Variants in HMCN1 observed in about 807,000 individuals in gnomAD.
HMCN1 encodes the protein hemicentin-1.
In HMCN1, 321 loss-of-function variants were observed where a neutral mutation model predicts 625.9. The observed-to-expected ratio is 0.51, with a 90% CI of 0.47 to 0.56. The LOEUF is 0.56. Ranked by LOEUF, HMCN1 falls within the 20% of genes least tolerant of loss-of-function variation. HMCN1 has a pLI of 0.00. For synonymous variants in HMCN1, 2,425 were observed against 2,417.6 expected, an observed-to-expected ratio of 1.00 and a Z score of -0.09; for missense variants, 6,588 against 6,887.3, an observed-to-expected ratio of 0.96 and a Z score of 1.54.
At chr1:186,148,077 A>C (rs1650434551) in intron 93 of HMCN1, among the ~76,000 whole-genome samples, 2 of 152,330 alleles carry the variant, frequency 1.3e-5, no homozygotes, top group South Asian at 4.1e-4. Flanking sequence ...CTGCTTTATC[A>C]ACTAAGTTTA....
chr1:186,181,730 T>C (rs1486156528), intron 104 of HMCN1, among the ~76,000 whole-genome samples: 1 of 152,128 alleles, frequency 6.6e-6, no homozygotes, highest in Non-Finnish European at 1.5e-5. Context: ...GAGCCAAAGT[T>C]TAAATACAAT....
chr1:185,851,372 A>G (rs931859095), intron 2 of HMCN1, among the ~76,000 whole-genome samples: 3 of 152,186 alleles, frequency 2.0e-5, no homozygotes, highest in African/African-American at 7.2e-5. Flanking sequence ...ACATTAGAGC[A>G]GGCTTGGCTA....
chr1:185,997,453 A>G lies in HMCN1; in HGVS notation c.3803A>G (p.Glu1268Gly), dbSNP rs1345807460. ...VQEPPTVEDL[E>G]PPYNTTFQER... ...GAACCACCCACAGTGGAAGATCTAG[A>G]ACCTCCATATAACACTACTTTCCAA... Residue 1268 changes from glutamate (E) to glycine (G), a missense_variant, in exon 25 of 107, where the codon GAA becomes GGA. Physicochemically the swap from Glu to Gly is moderately conservative, Grantham distance 98. Around this residue, in one of 3 missense-constraint regions of HMCN1, gnomAD observed 4,628 missense variants for 4,853.1 expected, o/e 0.95. Transcript: ENST00000271588. 6.2e-7 allele frequency: 1 copy of G among 1,611,892 alleles called. No individual in the cohort carries two copies. Among genetic ancestry groups the G allele is most frequent in the Admixed American group, 1.7e-5 (1 of 59,908 alleles).
At chr1:185,823,399 T>TA (rs890117898) in intron 1 of HMCN1, among the ~76,000 whole-genome samples, 1 of 152,158 alleles carries the variant, frequency 6.6e-6, no homozygotes, top group African/African-American at 2.4e-5. Context: ...AGGCAACATA[T>TA]AAAAAAATTG....
chr1:186,027,813 A>G (rs990211489), intron 36 of HMCN1, among the ~76,000 whole-genome samples: 1 of 152,150 alleles, frequency 6.6e-6, no homozygotes, highest in African/African-American at 2.4e-5. Context: ...TCTGGTAAAA[A>G]CATTAGTAGA....
chr1:185,735,971 C>T (rs924923586), intron 1 of HMCN1, among the ~76,000 whole-genome samples: 20 of 152,226 alleles, frequency 1.3e-4, no homozygotes, highest in African/African-American at 4.3e-4. Flanking sequence ...TCCTCCCCCA[C>T]TGTTCTCCCA....
intron 4 of HMCN1, among the ~76,000 whole-genome samples, chr1:185,901,406 A>G (rs1437012893): frequency 6.6e-6 from 1 of 151,730 alleles, no homozygotes; most frequent in African/African-American, 2.4e-5. Context: ...GGTGATGGAC[A>G]TACAAAGAAA....
At chr1:185,772,545 C>T (rs1557955793) in intron 1 of HMCN1, among the ~76,000 whole-genome samples, 1 of 152,038 alleles carries the variant, frequency 6.6e-6, no homozygotes, top group South Asian at 2.1e-4. Context: ...AATATCTAGA[C>T]AGTTATATGT....
chr1:185,741,374 G>T lies in HMCN1; in HGVS notation c.268+6327G>T, dbSNP rs12075451. On this transcript the variant is annotated intron_variant, in intron 1 of 106. Transcript: ENST00000271588. The stretch of plus-strand genomic sequence containing the variant: ...TGGTAGGATGAAGTTTTGATTTTTA[G>T]GTGTTAAAGTCTGAGATGCCTTTTG... Among the ~76,000 whole-genome samples the T allele has an allele frequency of 1.5e-3, 236 of 152,286 alleles. 1 individual carries two copies. Among genetic ancestry groups the T allele is most frequent in the African/African-American group, 5.4e-3 (224 of 41,568 alleles).
At chr1:186,051,858 G>A (rs1480736537) in intron 42 of HMCN1, among the ~76,000 whole-genome samples, 3 of 151,918 alleles carry the variant, frequency 2.0e-5, no homozygotes, top group Non-Finnish European at 2.9e-5. Flanking sequence ...TTGAGAATTG[G>A]GAATAATTAA....
chr1:186,088,567 GT>G lies in HMCN1; in HGVS notation c.9578-32del, dbSNP rs759926219. 8.1e-6 allele frequency: 13 copies of G among 1,599,988 alleles called. No individual in the cohort carries two copies. The South Asian group carries it at 1.4e-4, about 18-fold the overall frequency. ...ATTTTAGAGATGTTAAAGTTTAAAGGTTTTTTTATGTTTTATTGTGCTTTGT... is the reference window on the plus strand; with the variant it reads ...ATTTTAGAGATGTTAAAGTTTAAAGGTTTTTTATGTTTTATTGTGCTTTGT... On this transcript the variant is annotated intron_variant, in intron 62 of 106. Coordinates refer to ENST00000271588, the MANE Select transcript of HMCN1 (RefSeq NM_031935.3).
chr1:186,097,354 T>C (rs1295595188), intron 68 of HMCN1, among the ~76,000 whole-genome samples: 2 of 152,114 alleles, frequency 1.3e-5, no homozygotes, highest in South Asian at 2.1e-4. Context: ...ATAATATTCA[T>C]TGGATGTGGA....
Position 186,013,739 on chromosome 1 carries a change from A to G in HMCN1, c.4631-1420A>G, listed in dbSNP as rs759073478. Among the ~76,000 whole-genome samples the G allele has an allele frequency of 1.3e-5, 2 of 152,184 alleles. 1 individual carries two copies. Among genetic ancestry groups the G allele is most frequent in the Non-Finnish European group, 2.9e-5 (2 of 68,032 alleles). ...AAAATAAAATAGTGAGGGTATATTG[A>G]AGCGACTTAAGAGCCAATTGAAAGA... On this transcript the variant is annotated intron_variant, in intron 30 of 106. Transcript: ENST00000271588.
In HMCN1 at chr1:186,130,713, ATGAT is replaced by A; in HGVS notation, c.13230+21_13230+24del. The stretch of plus-strand genomic sequence containing the variant: ...TGGCACTGTTGTAAGTCACGCCAGA[ATGAT>A]TGATGCACCTTTAAACCCCCACAGC... On this transcript the variant is annotated intron_variant, in intron 85 of 106. Coordinates refer to ENST00000271588, the MANE Select transcript of HMCN1 (RefSeq NM_031935.3). 6.2e-7 allele frequency: 1 copy of A among 1,610,154 alleles called. No homozygotes were observed. Among genetic ancestry groups the A allele is most frequent in the Non-Finnish European group, 8.5e-7 (1 of 1,178,184 alleles).
intron 1 of HMCN1, among the ~76,000 whole-genome samples, chr1:185,793,387 G>A (rs887977691): frequency 6.6e-6 from 1 of 152,094 alleles, no homozygotes; most frequent in Non-Finnish European, 1.5e-5. Context: ...TGCTACTATT[G>A]TTAAATCTTC....
intron 14 of HMCN1, among the ~76,000 whole-genome samples, chr1:185,966,699 GA>G (rs1425216489): frequency 6.6e-6 from 1 of 152,102 alleles, no homozygotes; most frequent in Non-Finnish European, 1.5e-5. Context: ...ATTTTCAGAT[GA>G]AAAGTGTTAA....
At chr1:185,992,262 A>G (rs1000078409) in intron 22 of HMCN1, among the ~76,000 whole-genome samples, 2 of 152,126 alleles carry the variant, frequency 1.3e-5, no homozygotes. Context: ...AGAAGGTTTC[A>G]GTTTTTAAGG....
At chr1:185,915,563 A>G (rs1387807209) in intron 6 of HMCN1, among the ~76,000 whole-genome samples, 1 of 152,050 alleles carries the variant, frequency 6.6e-6, no homozygotes, top group East Asian at 1.9e-4. Flanking sequence ...CTGTCTTTAG[A>G]TAATCTCCCA....
chr1:186,171,877 A>T, intron 101 of HMCN1, 129 bp from the exon 102 acceptor site: 1 of 771,504 alleles, frequency 1.3e-6, no homozygotes. Context: ...TAAGCACTTT[A>T]ACCTTACACA....
Sources: gnomAD v4.1 joint callset for allele counts (sites outside exome capture counted in the v4.1 genomes callset) on GRCh38, gnomAD v4.1.1 for gene constraint, gnomAD v4.1.1 regional missense constraint, MANE v1.5 for transcripts, NCBI Gene and HGNC (gene_info 2026-07-23, HGNC 2026-07-21) for gene names.